The following PTPRD variants were observed in gnomAD, a reference collection of about 807,000 sequenced individuals.
PTPRD encodes the protein protein tyrosine phosphatase receptor type D.
In PTPRD, 34 loss-of-function variants were observed where a neutral mutation model predicts 214.5. The observed-to-expected ratio is 0.16, with a 90% CI of 0.12 to 0.21. The LOEUF is 0.21. PTPRD is among the 10% of genes least tolerant of loss of function. The probability of loss-of-function intolerance (pLI) is 1.00; values close to 1 mark genes in which losing one functional copy is unlikely to be tolerated. For synonymous variants in PTPRD, 1,128 were observed against 845.7 expected, an observed-to-expected ratio of 1.33 and a Z score of -5.79; for missense variants, 2,545 against 2,398.7, an observed-to-expected ratio of 1.06 and a Z score of -1.27.
rs1939774773 is a variant in PTPRD at position 9,266,526 on chromosome 9, G to C, written c.-202-83163C>G. Among the ~76,000 whole-genome samples the C allele has an allele frequency of 2.0e-5, 3 of 150,736 alleles. No homozygotes were observed. The South Asian group carries it at 6.3e-4, about 31-fold the overall frequency. On this transcript the variant is annotated intron_variant, in intron 9 of 45. Transcript: ENST00000381196. ...ACAAAATAACTCTTAGAAAATTTAA[G>C]CAAACTGAAATTATATCAAGCATCT...
intron 11 of PTPRD, among the ~76,000 whole-genome samples, chr9:8,787,181 C>G (rs780776445): frequency 1.3e-5 from 2 of 152,146 alleles, no homozygotes; most frequent in Non-Finnish European, 2.9e-5. Context: ...ATTCCTATTG[C>G]TATTGCATCC....
intron 3 of PTPRD, among the ~76,000 whole-genome samples, chr9:10,146,451 T>C (rs1212316802): frequency 6.6e-6 from 1 of 152,050 alleles, no homozygotes; most frequent in Non-Finnish European, 1.5e-5. Context: ...CAGATGATGA[T>C]ATTTACACTT....
At chr9:9,141,902 T>C (rs1163617168) in intron 10 of PTPRD, among the ~76,000 whole-genome samples, 2 of 152,110 alleles carry the variant, frequency 1.3e-5, no homozygotes, top group Non-Finnish European at 2.9e-5. Flanking sequence ...TTATCATTAA[T>C]AGATTAATAG....
intron 8 of PTPRD, among the ~76,000 whole-genome samples, chr9:9,398,563 A>G (rs956776845): frequency 1.3e-5 from 2 of 152,086 alleles, no homozygotes; most frequent in African/African-American, 2.4e-5. Context: ...TGTTAAAGTC[A>G]TAGTAATATA....
At chr9:8,588,821 C>G (rs968915962) in intron 14 of PTPRD, among the ~76,000 whole-genome samples, 10 of 152,108 alleles carry the variant, frequency 6.6e-5, no homozygotes, top group Non-Finnish European at 1.5e-4. Flanking sequence ...CCTCATTCTT[C>G]TTCAGAGAAA....
At chr9:10,395,345 T>G (rs1039078346) in intron 2 of PTPRD, among the ~76,000 whole-genome samples, 3 of 148,314 alleles carry the variant, frequency 2.0e-5, no homozygotes, top group African/African-American at 7.5e-5. Flanking sequence ...AGTGAGAACA[T>G]GCGGTGTTTG....
intron 5 of PTPRD, among the ~76,000 whole-genome samples, chr9:9,883,795 T>C (rs1168873413): frequency 6.6e-6 from 1 of 152,150 alleles, no homozygotes; most frequent in African/African-American, 2.4e-5. Flanking sequence ...TTTCTCATTT[T>C]CCAGGGCAAA....
At chr9:8,921,652 C>G (rs531360445) in intron 11 of PTPRD, among the ~76,000 whole-genome samples, 38 of 152,088 alleles carry the variant, frequency 2.5e-4, no homozygotes, top group South Asian at 2.1e-4. Context: ...TGCCACCACA[C>G]TCAGCTAATT....
chr9:8,542,075 G>C (rs1213611295), intron 14 of PTPRD, among the ~76,000 whole-genome samples: 1 of 151,966 alleles, frequency 6.6e-6, no homozygotes, highest in African/African-American at 2.4e-5. Context: ...TTCTTCAATA[G>C]ATTAAACACA....
intron 7 of PTPRD, among the ~76,000 whole-genome samples, chr9:9,627,214 G>A (rs571467233): frequency 6.6e-6 from 1 of 152,286 alleles, no homozygotes; most frequent in African/African-American, 2.4e-5. Context: ...GGCTGAAGCA[G>A]GAGAATCGCT....
At chr9:9,512,433 T>C (rs1451513890) in intron 8 of PTPRD, among the ~76,000 whole-genome samples, 1 of 151,866 alleles carries the variant, frequency 6.6e-6, no homozygotes, top group Non-Finnish European at 1.5e-5. Flanking sequence ...TATCTTCACA[T>C]AAAGTAACAG....
intron 11 of PTPRD, among the ~76,000 whole-genome samples, chr9:8,929,882 T>C (rs1203717549): frequency 2.9e-4 from 34 of 116,154 alleles, no homozygotes; most frequent in African/African-American, 6.3e-4. Flanking sequence ...TGTGTATATA[T>C]GTGTGTGTAT....
chr9:9,301,801 CTA>C (rs1440331235), intron 9 of PTPRD, among the ~76,000 whole-genome samples: 3 of 151,848 alleles, frequency 2.0e-5, no homozygotes, highest in Non-Finnish European at 4.4e-5. Context: ...CCTAAAAACT[CTA>C]TGCATTCATA....
At chr9:10,370,293 G>T (rs1228679868) in intron 2 of PTPRD, among the ~76,000 whole-genome samples, 1 of 152,070 alleles carries the variant, frequency 6.6e-6, no homozygotes, top group African/African-American at 2.4e-5. Flanking sequence ...TAGAACGCAT[G>T]TTCACAAGCA....
intron 9 of PTPRD, among the ~76,000 whole-genome samples, chr9:9,279,375 C>G (rs1278364379): frequency 3.4e-5 from 5 of 146,328 alleles, no homozygotes; most frequent in African/African-American, 1.2e-4. Flanking sequence ...TATATCACTG[C>G]TGCTGGCAAT....
At chr9:9,153,925 C>T (rs1292083049) in intron 10 of PTPRD, among the ~76,000 whole-genome samples, 2 of 152,154 alleles carry the variant, frequency 1.3e-5, no homozygotes, top group Non-Finnish European at 2.9e-5. Context: ...TGTTATTGTT[C>T]TGCAAATATT....
intron 9 of PTPRD, among the ~76,000 whole-genome samples, chr9:9,332,667 C>T (rs2042784276): frequency 6.6e-6 from 1 of 150,964 alleles, no homozygotes; most frequent in South Asian, 2.1e-4. Flanking sequence ...AGGATAGAAA[C>T]AACCAGCTCT....
intron 11 of PTPRD, among the ~76,000 whole-genome samples, chr9:9,008,956 TATC>T (rs1411139394): frequency 2.6e-5 from 4 of 152,206 alleles, no homozygotes; most frequent in African/African-American, 9.6e-5. Flanking sequence ...GAAAATCTGA[TATC>T]ATATAAATAC....
In PTPRD at chr9:9,743,173, G is replaced by A. The variant is rs148681797; in HGVS notation, c.-325-8602C>T. Reference sequence around the variant, plus strand: ...CAGACAGTGTTTATAAAATATGTATGAATGATAAAAATGCATTCATAAATA... The same window carrying A: ...CAGACAGTGTTTATAAAATATGTATAAATGATAAAAATGCATTCATAAATA... On this transcript the variant is annotated intron_variant, in intron 6 of 45. Coordinates refer to ENST00000381196, the MANE Select transcript of PTPRD (RefSeq NM_002839.4). 1.2e-3 allele frequency among the ~76,000 whole-genome samples: 188 copies of A among 152,152 alleles called. 1 individual carries two copies. The highest frequency in any genetic ancestry group is 4.2e-3 in the African/African-American group (174 of 41,520).
Sources: allele counts gnomAD v4.1 joint callset (sites outside exome capture counted in the v4.1 genomes callset), GRCh38; gene constraint gnomAD v4.1.1; transcripts MANE v1.5; gene names NCBI Gene and HGNC (gene_info 2026-07-23, HGNC 2026-07-21).